Variants in CNTNAP4 observed in about 807,000 individuals in gnomAD.
The protein encoded by CNTNAP4 is contactin associated protein family member 4.
Under a neutral mutation model 148.4 loss-of-function variants are expected in CNTNAP4, and 98 were observed. The ratio of observed to expected loss-of-function variants is 0.66; its 90% CI spans 0.56 to 0.78. The LOEUF is 0.78. Among genes scored for constraint, CNTNAP4 ranks in the 30% least tolerant of loss-of-function variants. The pLI is 0.00. For missense variants in CNTNAP4, 1,935 were observed against 1,565.6 expected (o/e 1.24, Z -3.98); for synonymous variants, 730 against 565.1 (o/e 1.29, Z -4.14).
intron 12 of CNTNAP4, among the ~76,000 whole-genome samples, chr16:76,484,514 A>C (rs137890279): frequency 6.6e-6 from 1 of 152,332 alleles, no homozygotes; most frequent in Non-Finnish European, 1.5e-5. Flanking sequence ...CAACCCAGTG[A>C]GAAATACGTG....
At chr16:76,503,620 C>T (rs978951294) in intron 15 of CNTNAP4, among the ~76,000 whole-genome samples, 2 of 152,070 alleles carry the variant, frequency 1.3e-5, no homozygotes, top group African/African-American at 2.4e-5. Context: ...TGTTGGTGTG[C>T]TGCACCCATT....
chr16:76,302,876 G>A (rs925161604), intron 1 of CNTNAP4, among the ~76,000 whole-genome samples: 7 of 152,142 alleles, frequency 4.6e-5, no homozygotes, highest in African/African-American at 1.4e-4. Context: ...CCACGATGCT[G>A]CATGTTGTTT....
intron 13 of CNTNAP4, among the ~76,000 whole-genome samples, chr16:76,493,548 C>G (rs143550391): frequency 2.2e-4 from 33 of 151,922 alleles, no homozygotes; most frequent in African/African-American, 7.5e-4. Flanking sequence ...TCAGTGATTT[C>G]TATTTTATAG....
At chr16:76,365,875 A>G (rs1162295901) in intron 3 of CNTNAP4, among the ~76,000 whole-genome samples, 1 of 152,118 alleles carries the variant, frequency 6.6e-6, no homozygotes, top group African/African-American at 2.4e-5. Context: ...CTAGATATAA[A>G]TAACTACATG....
chr16:76,427,900 AGAAGTTTC>A (rs2079469103), intron 4 of CNTNAP4, among the ~76,000 whole-genome samples: 1 of 152,234 alleles, frequency 6.6e-6, no homozygotes, highest in African/African-American at 2.4e-5. Context: ...TTCAAATATT[AGAAGTTTC>A]CTTCATGAGT....
intron 1 of CNTNAP4, among the ~76,000 whole-genome samples, chr16:76,315,465 G>A (rs987134719): frequency 3.9e-5 from 6 of 152,172 alleles, no homozygotes; most frequent in Non-Finnish European, 7.3e-5. Context: ...ACTCCCACGA[G>A]CAATGTGTCA....
At chr16:76,384,480 A>G (rs2016313531) in intron 3 of CNTNAP4, among the ~76,000 whole-genome samples, 1 of 152,148 alleles carries the variant, frequency 6.6e-6, no homozygotes, top group Non-Finnish European at 1.5e-5. Context: ...AAAGGAGGCC[A>G]CCCACACCCA....
At position 76,333,680 on chromosome 16, in the gene CNTNAP4, G is replaced by A. The variant is rs556576921; in HGVS notation, c.196+17157G>A. Among the ~76,000 whole-genome samples, 80 of 150,258 alleles carry A rather than the reference G, an allele frequency of 5.3e-4. 2 individuals carry two copies. In the South Asian group the frequency reaches 0.012, roughly 22 times the overall value. Reference sequence around the variant, plus strand: ...TGCATCATATTTTTTGGTTGTTGCCGAAAACTAGACATTTTGAATATTACA... The same window carrying A: ...TGCATCATATTTTTTGGTTGTTGCCAAAAACTAGACATTTTGAATATTACA... On this transcript the variant is annotated intron_variant, in intron 2 of 23. Transcript: ENST00000611870.
intron 9 of CNTNAP4, among the ~76,000 whole-genome samples, chr16:76,464,617 T>C (rs1391432631): frequency 6.6e-6 from 1 of 152,194 alleles, no homozygotes; most frequent in Non-Finnish European, 1.5e-5. Flanking sequence ...GTTCTCCTTC[T>C]CTCTAAATTT....
intron 16 of CNTNAP4, 45 bp downstream of exon 16, chr16:76,521,355 G>A (rs2083446347): frequency 1.4e-6 from 2 of 1,478,802 alleles, no homozygotes. Context: ...CTATCATTTA[G>A]TAGTAAATCT....
At chr16:76,322,723 A>G (rs1055327787) in intron 2 of CNTNAP4, among the ~76,000 whole-genome samples, 1 of 152,204 alleles carries the variant, frequency 6.6e-6, no homozygotes, top group African/African-American at 2.4e-5. Context: ...AGTTAACCCC[A>G]TTTTAGCAAA....
chr16:76,468,744 T>C (rs1412793632), intron 10 of CNTNAP4, among the ~76,000 whole-genome samples: 1 of 151,966 alleles, frequency 6.6e-6, no homozygotes, highest in Non-Finnish European at 1.5e-5. Flanking sequence ...CAGGCATGAG[T>C]CACTGTGCCC....
chr16:76,555,658 G>T (rs1225358732), intron 23 of CNTNAP4, among the ~76,000 whole-genome samples: 1 of 152,172 alleles, frequency 6.6e-6, no homozygotes, highest in Non-Finnish European at 1.5e-5. Context: ...TTGTTGTTTT[G>T]CTCAAACATC....
In CNTNAP4 at chr16:76,504,193, A is replaced by T. The variant is rs73618171; in HGVS notation, c.2365+5499A>T. Among the ~76,000 whole-genome samples, 540 of 152,218 alleles carry T rather than the reference A, an allele frequency of 3.5e-3. 2 individuals are homozygous for T. Among genetic ancestry groups the T allele is most frequent in the African/African-American group, 0.012 (517 of 41,550 alleles). On this transcript the variant is annotated intron_variant, in intron 15 of 23. Coordinates refer to ENST00000611870, the MANE Select transcript of CNTNAP4 (RefSeq NM_033401.5). ...TTGAGATACACTACTAGATTATAAGACTTACTGTAAAACTAACAGATATTC... is the reference window on the plus strand; with the variant it reads ...TTGAGATACACTACTAGATTATAAGTCTTACTGTAAAACTAACAGATATTC...
chr16:76,489,675 C>G lies in CNTNAP4; in HGVS notation c.1883-11C>G, dbSNP rs572182199. ...GTCTCCTCTCTTTCTCCCCCCATTT[C>G]TGCATACAAGAAACTGCATGGACCA... On this transcript the variant is annotated splice_polypyrimidine_tract_variant and intron_variant, in intron 12 of 23. Coordinates refer to ENST00000611870, the MANE Select transcript of CNTNAP4 (RefSeq NM_033401.5). 88 of 1,478,480 alleles carry G rather than the reference C, an allele frequency of 6.0e-5. No individual in the cohort carries two copies. The South Asian group carries it at 1.1e-3, about 19-fold the overall frequency. 91.6% of individuals were successfully genotyped at this position (1,478,480 alleles called of 1,614,324 possible). A position where few individuals can be genotyped will look rare whatever the true frequency, so the allele number is the denominator to read the frequency against.
intron 3 of CNTNAP4, among the ~76,000 whole-genome samples, chr16:76,388,780 A>G (rs530167767): frequency 6.6e-6 from 1 of 152,212 alleles, no homozygotes; most frequent in Non-Finnish European, 1.5e-5. Context: ...GATATTTTAC[A>G]TACAAGGAAA....
At chr16:76,324,393 C>T (rs957474488) in intron 2 of CNTNAP4, among the ~76,000 whole-genome samples, 1 of 152,070 alleles carries the variant, frequency 6.6e-6, no homozygotes, top group African/African-American at 2.4e-5. Context: ...GTTAAGTAAT[C>T]AAGGGTGTCT....
intron 15 of CNTNAP4, among the ~76,000 whole-genome samples, chr16:76,515,989 T>C (rs1397307772): frequency 6.6e-6 from 1 of 152,192 alleles, no homozygotes; most frequent in Admixed American, 6.5e-5. Flanking sequence ...ATTTGTCACA[T>C]AGGTGTGTAT....
intron 21 of CNTNAP4, among the ~76,000 whole-genome samples, chr16:76,543,381 A>G (rs2084546278): frequency 6.6e-6 from 1 of 152,240 alleles, no homozygotes; most frequent in Non-Finnish European, 1.5e-5. Flanking sequence ...AGAGTTATTA[A>G]TATTTCAAAG....
Sources: gnomAD v4.1 joint callset for allele counts (sites outside exome capture counted in the v4.1 genomes callset) on GRCh38, gnomAD v4.1.1 for gene constraint, MANE v1.5 for transcripts, NCBI Gene and HGNC (gene_info 2026-07-23, HGNC 2026-07-21) for gene names.